RBMS3: variants seen among roughly 807,000 people sequenced by gnomAD.
RBMS3 encodes the protein RNA binding motif single stranded interacting protein 3.
A neutral mutation model predicts 66.8 loss-of-function variants in RBMS3; 27 were observed. That is an observed-to-expected ratio of 0.40 (90% CI 0.30 to 0.56). The LOEUF is 0.56. Among genes scored for constraint, RBMS3 ranks in the 20% least tolerant of loss-of-function variants. The pLI is 0.40. For synonymous variants in RBMS3, 188 were observed against 183.0 expected, an observed-to-expected ratio of 1.03 and a Z score of -0.22; for missense variants, 513 against 549.5, an observed-to-expected ratio of 0.93 and a Z score of 0.66.
chr3:29,716,647 G>T (rs1296818545), intron 4 of RBMS3, among the ~76,000 whole-genome samples: 3 of 152,070 alleles, frequency 2.0e-5, no homozygotes, highest in Non-Finnish European at 2.9e-5. Context: ...TTATATATAA[G>T]TACAGTAAAA....
At chr3:29,388,323 T>C (rs913429748) in intron 1 of RBMS3, among the ~76,000 whole-genome samples, 1 of 152,238 alleles carries the variant, frequency 6.6e-6, no homozygotes, top group African/African-American at 2.4e-5. Flanking sequence ...TTTTATTCAT[T>C]GCCAGATTTT....
chr3:29,486,952 A>T (rs2043343822), intron 2 of RBMS3, among the ~76,000 whole-genome samples: 1 of 150,660 alleles, frequency 6.6e-6, no homozygotes, highest in Non-Finnish European at 1.5e-5. Flanking sequence ...TACTTCTCAC[A>T]TATTGTATTA....
At chr3:29,343,852 GCT>G (rs1178344022) in intron 1 of RBMS3, among the ~76,000 whole-genome samples, 1 of 152,190 alleles carries the variant, frequency 6.6e-6, no homozygotes, top group Admixed American at 6.5e-5. Flanking sequence ...TCCCTATTTT[GCT>G]ATGCTATGTA....
intron 12 of RBMS3, among the ~76,000 whole-genome samples, chr3:29,950,073 C>T (rs961164630): frequency 6.6e-6 from 1 of 151,832 alleles, no homozygotes. Context: ...AACTGCTTCC[C>T]TGAGTACTGT....
At chr3:29,474,018 C>T (rs767092742) in intron 2 of RBMS3, among the ~76,000 whole-genome samples, 4 of 152,210 alleles carry the variant, frequency 2.6e-5, no homozygotes, top group Non-Finnish European at 5.9e-5. Flanking sequence ...GAGGAGAGGC[C>T]GAGAGCGAGC....
At chr3:29,819,967 G>T (rs2058029207) in intron 6 of RBMS3, among the ~76,000 whole-genome samples, 1 of 152,016 alleles carries the variant, frequency 6.6e-6, no homozygotes, top group Admixed American at 6.6e-5. Context: ...GGCCAGTGCA[G>T]GTGGATCACT....
chr3:29,998,122 A>C (rs1363022644), intron 14 of RBMS3, among the ~76,000 whole-genome samples: 1 of 152,230 alleles, frequency 6.6e-6, no homozygotes, highest in Non-Finnish European at 1.5e-5. Flanking sequence ...TTATACACCA[A>C]TAACAGACAA....
At chr3:29,849,370 C>T (rs1047316631) in intron 6 of RBMS3, among the ~76,000 whole-genome samples, 10 of 151,692 alleles carry the variant, frequency 6.6e-5, no homozygotes, top group South Asian at 2.1e-4. Flanking sequence ...AAAAATTAAC[C>T]GGGCACAGTG....
chr3:29,944,239 C>G lies in RBMS3; in HGVS notation c.1083C>G (p.His361Gln). ...CCCAAGACAGGATTATGATACTCCACCAGCTGTTGTGTCAGGTAGGAAAAT... is the reference window on the plus strand; with the variant it reads ...CCCAAGACAGGATTATGATACTCCAGCAGCTGTTGTGTCAGGTAGGAAAAT... ...IQSQDRIMILHQLLCQYMTAA... is the reference protein window; with the variant it reads ...IQSQDRIMILQQLLCQYMTAA... Residue 361 changes from histidine (H) to glutamine (Q), a missense_variant, in exon 12 of 15, where the codon CAC (histidine) becomes CAG (glutamine). Transcript: ENST00000383767. 1 of 1,592,484 alleles carries G rather than the reference C, an allele frequency of 6.3e-7. No individual in the cohort carries two copies. Among genetic ancestry groups the G allele is most frequent in the Non-Finnish European group, 8.6e-7 (1 of 1,161,230 alleles).
At chr3:29,609,550 G>A (rs1000093512) in intron 4 of RBMS3, among the ~76,000 whole-genome samples, 9 of 152,052 alleles carry the variant, frequency 5.9e-5, no homozygotes, top group East Asian at 1.9e-4. Flanking sequence ...TAAACAACCA[G>A]CATAACCATA....
chr3:29,327,974 C>T (rs950052722), intron 1 of RBMS3, among the ~76,000 whole-genome samples: 3 of 152,124 alleles, frequency 2.0e-5, no homozygotes, highest in Non-Finnish European at 4.4e-5. Flanking sequence ...CTTCCTTTTT[C>T]TTTTATCAGT....
chr3:29,573,526 T>C (rs2047010860), intron 3 of RBMS3, among the ~76,000 whole-genome samples: 1 of 152,160 alleles, frequency 6.6e-6, no homozygotes, highest in African/African-American at 2.4e-5. Context: ...AAAGCAAATG[T>C]TTCATCTATC....
At chr3:29,648,000 A>G (rs547213759) in intron 4 of RBMS3, among the ~76,000 whole-genome samples, 1 of 152,114 alleles carries the variant, frequency 6.6e-6, no homozygotes, top group Non-Finnish European at 1.5e-5. Flanking sequence ...GTTCTGCAAA[A>G]TCATGCACTA....
chr3:29,517,322 T>A (rs1462423927), intron 3 of RBMS3, among the ~76,000 whole-genome samples: 32 of 116,422 alleles, frequency 2.7e-4, no homozygotes, highest in African/African-American at 9.7e-4. Context: ...TATATATATT[T>A]TTTTTTTGTT....
chr3:29,341,203 C>A (rs924057063), intron 1 of RBMS3, among the ~76,000 whole-genome samples: 2 of 151,938 alleles, frequency 1.3e-5, no homozygotes, highest in East Asian at 3.9e-4. Flanking sequence ...TAAATGAAAT[C>A]TTAAGTAATG....
At chr3:29,361,579 A>G (rs1373862200) in intron 1 of RBMS3, among the ~76,000 whole-genome samples, 1 of 152,076 alleles carries the variant, frequency 6.6e-6, no homozygotes, top group Admixed American at 6.6e-5. Flanking sequence ...TATCTCCTGA[A>G]TTTGAATGTT....
chr3:29,839,749 G>T (rs552358664), intron 6 of RBMS3, among the ~76,000 whole-genome samples: 1 of 151,744 alleles, frequency 6.6e-6, no homozygotes, highest in Non-Finnish European at 1.5e-5. Context: ...GGTCTCAGCA[G>T]TAGAGATACA....
At chr3:29,762,801 G>A in intron 5 of RBMS3, 109 bp from the exon 6 acceptor site, 1 of 762,494 alleles carries the variant, frequency 1.3e-6, no homozygotes, top group Non-Finnish European at 2.2e-6. Context: ...GGCAATTAGG[G>A]TACAATTCTC....
At chr3:29,601,471 G>C (rs1302133495) in intron 4 of RBMS3, among the ~76,000 whole-genome samples, 1 of 151,924 alleles carries the variant, frequency 6.6e-6, no homozygotes, top group Non-Finnish European at 1.5e-5. Flanking sequence ...TCTCCATATA[G>C]AGACAGACTT....
Sources: allele counts gnomAD v4.1 joint callset (sites outside exome capture counted in the v4.1 genomes callset), GRCh38; gene constraint gnomAD v4.1.1; transcripts MANE v1.5; gene names NCBI Gene and HGNC (gene_info 2026-07-23, HGNC 2026-07-21).